ITGAM: variants seen among roughly 807,000 people sequenced by gnomAD.
The protein encoded by ITGAM is integrin subunit alpha M, also known as integrin alpha-M.
ITGAM carries 79 observed loss-of-function variants against 137.5 expected under a neutral mutation model. The ratio of observed to expected loss-of-function variants is 0.57; its 90% CI spans 0.48 to 0.69. ITGAM has a LOEUF of 0.69. Among genes scored for constraint, ITGAM ranks in the 30% least tolerant of loss-of-function variants. ITGAM has a pLI of 0.00. For missense variants in ITGAM, 1,343 were observed against 1,483.5 expected, an observed-to-expected ratio of 0.91 and a Z score of 1.56; for synonymous variants, 583 against 592.3, an observed-to-expected ratio of 0.98 and a Z score of 0.23.
chr16:31,309,645 C>A (rs1038623170), intron 14 of ITGAM, among the ~76,000 whole-genome samples: 13 of 152,128 alleles, frequency 8.5e-5, no homozygotes, highest in Admixed American at 6.5e-4. Flanking sequence ...ACATTAAGCC[C>A]ATTTACATTT....
At position 31,265,847 on chromosome 16, in the gene ITGAM, C is replaced by A; in HGVS notation, c.275C>A (p.Ser92Tyr). ...VEAVNMSLGLSLAATTSPPQL... is the reference protein window; with the variant it reads ...VEAVNMSLGLYLAATTSPPQL... ...GCCGTGAACATGTCCCTGGGCCTGT[C>A]CCTGGCAGCCACCACCAGCCCCCCT... Residue 92 changes from serine (S) to tyrosine (Y), a missense_variant, in exon 4 of 30, where the codon TCC becomes TAC. Physicochemically the swap from Ser to Tyr is moderately radical, Grantham distance 144. Coordinates refer to ENST00000544665, the MANE Select transcript of ITGAM (RefSeq NM_000632.4). The A allele has an allele frequency of 1.2e-6, 2 of 1,613,920 alleles. No individual in the cohort carries two copies. The highest frequency in any genetic ancestry group is 1.1e-5 in the South Asian group (1 of 91,066).
intron 23 of ITGAM, chr16:31,328,886 G>C: frequency 2.2e-6 from 1 of 444,884 alleles, no homozygotes; most frequent in Non-Finnish European, 4.1e-6. Flanking sequence ...GTGTGCATGA[G>C]TGTGTATTCG....
chr16:31,288,369 C>T (rs937822493), intron 12 of ITGAM, among the ~76,000 whole-genome samples: 1 of 152,116 alleles, frequency 6.6e-6, no homozygotes, highest in Non-Finnish European at 1.5e-5. Flanking sequence ...GTTTCATGAC[C>T]TTTGGCACTA....
At chr16:31,283,319 A>G (rs537047594) in intron 12 of ITGAM, among the ~76,000 whole-genome samples, 34 of 152,334 alleles carry the variant, frequency 2.2e-4, no homozygotes, top group South Asian at 4.1e-4. Context: ...AGTGTTTTCC[A>G]ACTTGGTTCC....
chr16:31,326,573 C>T (rs1282036117), intron 21 of ITGAM, among the ~76,000 whole-genome samples: 1 of 152,112 alleles, frequency 6.6e-6, no homozygotes, highest in South Asian at 2.1e-4. Flanking sequence ...CCCGCCACCA[C>T]ACCCAGCTAA....
At chr16:31,276,884 TC>T in intron 10 of ITGAM, 35 bp from the exon 11 acceptor site, 1 of 1,600,236 alleles carries the variant, frequency 6.2e-7, no homozygotes, top group Non-Finnish European at 8.5e-7. Flanking sequence ...TGTCCCTTCT[TC>T]CTTCCTCATC....
chr16:31,329,929 C>T, intron 25 of ITGAM, 24 bp downstream of exon 25: 2 of 1,543,660 alleles, frequency 1.3e-6, no homozygotes, highest in South Asian at 1.2e-5. Flanking sequence ...GGCCTGACTC[C>T]TGCACGGCCC....
chr16:31,270,975 A>C lies in ITGAM; in HGVS notation c.449A>C (p.Asp150Ala). The C allele has an allele frequency of 6.3e-7, 1 of 1,578,778 alleles. No homozygotes were observed. The highest frequency in any genetic ancestry group is 8.6e-7 in the Non-Finnish European group (1 of 1,159,010). The stretch of plus-strand genomic sequence containing the variant: ...CCAGGGTGTCCTCAAGAGGATAGTG[A>C]CATTGCCTTCTTGATTGATGGCTCT... ...ALRGCPQEDS[D>A]IAFLIDGSGS... Residue 150 changes from aspartate to alanine, a missense_variant, in exon 6 of 30, where the codon GAC becomes GCC. Physicochemically the swap from Asp to Ala is moderately radical, Grantham distance 126. Transcript: ENST00000544665.
At chr16:31,261,516 T>A (rs1032331104) in intron 1 of ITGAM, among the ~76,000 whole-genome samples, 176 bp from the exon 2 acceptor site, 6 of 151,820 alleles carry the variant, frequency 4.0e-5, no homozygotes, top group Non-Finnish European at 8.8e-5. Context: ...AGTTTTTGTT[T>A]TTTTTTTGTA....
chr16:31,327,491 G>A (rs1876976785), intron 22 of ITGAM, among the ~76,000 whole-genome samples: 1 of 151,870 alleles, frequency 6.6e-6, no homozygotes, highest in Non-Finnish European at 1.5e-5. Context: ...CTACTCAGGA[G>A]GCTGAGGCAC....
At chr16:31,292,516 T>C (rs2080096695) in intron 12 of ITGAM, among the ~76,000 whole-genome samples, 1 of 152,162 alleles carries the variant, frequency 6.6e-6, no homozygotes, top group Non-Finnish European at 1.5e-5. Context: ...ACATGCAGTA[T>C]TTGTTTTTCT....
intron 14 of ITGAM, among the ~76,000 whole-genome samples, chr16:31,312,855 G>T (rs1233135974): frequency 6.7e-6 from 1 of 148,658 alleles, no homozygotes; most frequent in Admixed American, 6.7e-5. Context: ...CCGTCCTCCT[G>T]TGGTAGTAGG....
chr16:31,264,715 A>AT (rs1222305944), intron 2 of ITGAM, among the ~76,000 whole-genome samples: 1 of 151,760 alleles, frequency 6.6e-6, no homozygotes, highest in Non-Finnish European at 1.5e-5. Flanking sequence ...TTTTAAAAAC[A>AT]TTTTTTGTAG....
chr16:31,329,469 T>A (rs1375396020), intron 24 of ITGAM, among the ~76,000 whole-genome samples, 166 bp downstream of exon 24: 1 of 152,168 alleles, frequency 6.6e-6, no homozygotes, highest in African/African-American at 2.4e-5. Flanking sequence ...CACGTATGTA[T>A]GTGACATGCA....
intron 12 of ITGAM, among the ~76,000 whole-genome samples, chr16:31,289,059 C>T (rs1220406612): frequency 8.5e-5 from 13 of 152,102 alleles, no homozygotes; most frequent in East Asian, 1.9e-4. Context: ...AATGAGATAC[C>T]ATCTCACACC....
intron 12 of ITGAM, among the ~76,000 whole-genome samples, chr16:31,287,784 C>T (rs1289219343): frequency 1.3e-5 from 2 of 152,074 alleles, no homozygotes; most frequent in Non-Finnish European, 2.9e-5. Context: ...TAAACACATA[C>T]TGGCCATTGA....
At chr16:31,316,022 G>A (rs1414218103) in intron 14 of ITGAM, among the ~76,000 whole-genome samples, 2 of 41,406 alleles carry the variant, frequency 4.8e-5, no homozygotes. Flanking sequence ...GTGAAACCCC[G>A]TCTCTACTAA....
intron 5 of ITGAM, among the ~76,000 whole-genome samples, chr16:31,269,706 C>T (rs2079807739): frequency 6.6e-6 from 1 of 152,166 alleles, no homozygotes; most frequent in South Asian, 2.1e-4. Context: ...GGTCTGTTGC[C>T]ACCCCTGGGT....
At chr16:31,306,810 G>T (rs1209341447) in intron 14 of ITGAM, among the ~76,000 whole-genome samples, 7 of 152,046 alleles carry the variant, frequency 4.6e-5, no homozygotes, top group Admixed American at 4.6e-4. Context: ...ATGTCTGGCC[G>T]CAAAGTACTC....
Sources: allele counts gnomAD v4.1 joint callset (sites outside exome capture counted in the v4.1 genomes callset), GRCh38; gene constraint gnomAD v4.1.1; transcripts MANE v1.5; gene names NCBI Gene and HGNC (gene_info 2026-07-23, HGNC 2026-07-21).